Variants in RBFOX1 observed in about 807,000 individuals in gnomAD.
RBFOX1 encodes RNA binding protein fox-1 homolog 1.
In RBFOX1, 8 loss-of-function variants were observed where a neutral mutation model predicts 57.7. That is an observed-to-expected ratio of 0.14 (90% CI 0.08 to 0.25). The LOEUF is 0.25. Among genes scored for constraint, RBFOX1 ranks in the 10% least tolerant of loss-of-function variants. The pLI, the probability that RBFOX1 is intolerant of heterozygous loss-of-function variation, is 1.00. For synonymous variants in RBFOX1, 326 were observed against 222.4 expected (o/e 1.47, Z -4.15); for missense variants, 611 against 548.5 (o/e 1.11, Z -1.14).
chr16:7,672,674 G>A (rs1270043850), intron 13 of RBFOX1, among the ~76,000 whole-genome samples: 1 of 151,788 alleles, frequency 6.6e-6, no homozygotes, highest in African/African-American at 2.4e-5. Flanking sequence ...GACGGGGCCA[G>A]CCAGGCCTAT....
intron 4 of RBFOX1, among the ~76,000 whole-genome samples, chr16:7,298,881 G>A (rs762999554): frequency 6.6e-6 from 1 of 152,164 alleles, no homozygotes; most frequent in African/African-American, 2.4e-5. Flanking sequence ...GGTTGGTCTT[G>A]CTATCTCTGG....
At chr16:5,631,874 C>G (rs2048519929) in intron 3 of RBFOX1, among the ~76,000 whole-genome samples, 1 of 152,146 alleles carries the variant, frequency 6.6e-6, no homozygotes, top group Non-Finnish European at 1.5e-5. Flanking sequence ...GGATCATTTT[C>G]TGGGATGGAC....
At chr16:5,793,416 T>G (rs2054770687) in intron 3 of RBFOX1, among the ~76,000 whole-genome samples, 1 of 152,238 alleles carries the variant, frequency 6.6e-6, no homozygotes, top group Non-Finnish European at 1.5e-5. Flanking sequence ...TTACCCTGAT[T>G]TTCAATTCAG....
At chr16:7,168,516 T>C (rs1362851236) in intron 4 of RBFOX1, among the ~76,000 whole-genome samples, 3 of 152,038 alleles carry the variant, frequency 2.0e-5, no homozygotes, top group East Asian at 1.9e-4. Flanking sequence ...TGGCTCATAC[T>C]GGTACAGAAA....
chr16:6,955,579 G>A (rs2081619577), intron 3 of RBFOX1, among the ~76,000 whole-genome samples: 1 of 152,000 alleles, frequency 6.6e-6, no homozygotes, highest in African/African-American at 2.4e-5. Context: ...GTGTAATATT[G>A]GTTTTATATG....
intron 2 of RBFOX1, among the ~76,000 whole-genome samples, chr16:6,334,738 T>C (rs540687341): frequency 6.6e-6 from 1 of 152,126 alleles, no homozygotes; most frequent in Non-Finnish European, 1.5e-5. Flanking sequence ...TGAGAATTCA[T>C]TGGAACTCAG....
chr16:6,830,493 G>A (rs1267902824), intron 3 of RBFOX1, among the ~76,000 whole-genome samples: 1 of 152,148 alleles, frequency 6.6e-6, no homozygotes, highest in Non-Finnish European at 1.5e-5. Context: ...CTCTATGCCA[G>A]GAGTTCTCAA....
intron 4 of RBFOX1, among the ~76,000 whole-genome samples, chr16:7,462,119 C>G (rs1043642785): frequency 1.3e-4 from 20 of 152,200 alleles, no homozygotes; most frequent in African/African-American, 4.8e-4. Context: ...ACCAGGGAAG[C>G]TACTACCTCT....
At chr16:5,687,472 G>T (rs2050539935) in intron 3 of RBFOX1, among the ~76,000 whole-genome samples, 1 of 152,158 alleles carries the variant, frequency 6.6e-6, no homozygotes, top group African/African-American at 2.4e-5. Flanking sequence ...TATTAAATTA[G>T]ACAGCAAAGA....
intron 3 of RBFOX1, among the ~76,000 whole-genome samples, chr16:5,712,588 C>T (rs112391750): frequency 4.9e-4 from 74 of 150,762 alleles, no homozygotes; most frequent in Non-Finnish European, 6.7e-4. Context: ...TCACTTAATT[C>T]CCATAACAGG....
intron 2 of RBFOX1, among the ~76,000 whole-genome samples, chr16:6,442,866 A>G (rs560821517): frequency 4.6e-5 from 7 of 152,320 alleles, no homozygotes; most frequent in South Asian, 4.1e-4. Context: ...TTGGAATATG[A>G]TATCAGTTTG....
At chr16:7,278,044 A>C (rs951477435) in intron 4 of RBFOX1, among the ~76,000 whole-genome samples, 4 of 152,156 alleles carry the variant, frequency 2.6e-5, no homozygotes. Flanking sequence ...GAATAATGCT[A>C]GCATTGCCTA....
intron 3 of RBFOX1, among the ~76,000 whole-genome samples, chr16:6,673,768 T>A (rs1479011624): frequency 6.6e-6 from 1 of 152,194 alleles, no homozygotes; most frequent in African/African-American, 2.4e-5. Context: ...GTCATGGAGA[T>A]AAGTCGCATA....
intron 3 of RBFOX1, among the ~76,000 whole-genome samples, chr16:7,007,943 G>A (rs988748367): frequency 2.6e-5 from 4 of 152,284 alleles, no homozygotes; most frequent in Admixed American, 6.5e-5. Flanking sequence ...AACAGGTGCC[G>A]TGAGAAACAC....
chr16:5,367,678 A>G (rs889415072), intron 1 of RBFOX1, among the ~76,000 whole-genome samples: 1 of 152,188 alleles, frequency 6.6e-6, no homozygotes, highest in African/African-American at 2.4e-5. Context: ...AATACTTTAT[A>G]TGCATGATTT....
chr16:7,679,564 G>A (rs918475491), intron 14 of RBFOX1, among the ~76,000 whole-genome samples: 2 of 152,204 alleles, frequency 1.3e-5, no homozygotes, highest in Non-Finnish European at 2.9e-5. Context: ...CAGACATCTT[G>A]AAAGCAAAAG....
At chr16:7,585,041 A>C (rs1223610745) in intron 6 of RBFOX1, among the ~76,000 whole-genome samples, 1 of 152,242 alleles carries the variant, frequency 6.6e-6, no homozygotes. Flanking sequence ...AGAATGTTCC[A>C]TAGATGACAG....
chr16:5,281,903 C>G (rs532096482), intron 1 of RBFOX1, among the ~76,000 whole-genome samples: 2 of 152,244 alleles, frequency 1.3e-5, no homozygotes, highest in African/African-American at 4.8e-5. Flanking sequence ...GGTAATTTAA[C>G]CCATATTCGA....
chr16:6,893,012 C>A (rs2065895864), intron 3 of RBFOX1, among the ~76,000 whole-genome samples: 1 of 152,136 alleles, frequency 6.6e-6, no homozygotes, highest in Non-Finnish European at 1.5e-5. Context: ...CTTTTCATTG[C>A]AAACACTGCA....
Sources: gnomAD v4.1 joint callset for allele counts (sites outside exome capture counted in the v4.1 genomes callset) on GRCh38, gnomAD v4.1.1 for gene constraint, MANE v1.5 for transcripts, NCBI Gene and HGNC (gene_info 2026-07-23, HGNC 2026-07-21) for gene names.